Variants in NTM observed in about 807,000 individuals in gnomAD.
NTM encodes neurotrimin, also known as IgLON family member 2.
NTM carries 13 observed loss-of-function variants against 42.1 expected under a neutral mutation model. That is an observed-to-expected ratio of 0.31 (90% confidence interval 0.20 to 0.49). The LOEUF (loss-of-function observed/expected upper bound fraction) is 0.49. Among genes scored for constraint, NTM ranks in the 20% least tolerant of loss-of-function variants. The pLI is 0.99. For synonymous variants in NTM, 187 were observed against 179.2 expected, an observed-to-expected ratio of 1.04 and a Z score of -0.35; for missense variants, 373 against 452.8, an observed-to-expected ratio of 0.82 and a Z score of 1.60.
chr11:131,420,984 ATC>A (rs1205293055), intron 1 of NTM, among the ~76,000 whole-genome samples: 1 of 151,810 alleles, frequency 6.6e-6, no homozygotes, highest in East Asian at 2.0e-4. Context: ...TTGCCCTCTC[ATC>A]TCTTTCTCCA....
chr11:131,926,107 G>A (rs1592918975), intron 2 of NTM, among the ~76,000 whole-genome samples: 1 of 57,482 alleles, frequency 1.7e-5, no homozygotes, highest in African/African-American at 6.2e-5. Context: ...AACTTGTATG[G>A]ATTAGAAAAA....
chr11:131,713,973 C>T (rs1247562876), intron 1 of NTM, among the ~76,000 whole-genome samples: 1 of 152,174 alleles, frequency 6.6e-6, no homozygotes, highest in East Asian at 1.9e-4. Flanking sequence ...CAGTGGCCTG[C>T]CAGCTCCTGG....
At chr11:131,559,452 A>G (rs561253576) in intron 1 of NTM, among the ~76,000 whole-genome samples, 1 of 152,332 alleles carries the variant, frequency 6.6e-6, no homozygotes, top group Non-Finnish European at 1.5e-5. Context: ...CACATCCTTC[A>G]TATCCATCAG....
chr11:131,927,929 A>T (rs2058140364), intron 2 of NTM, among the ~76,000 whole-genome samples: 1 of 152,140 alleles, frequency 6.6e-6, no homozygotes. Context: ...AAACATGTGA[A>T]TTGAGAATAT....
chr11:131,582,568 C>G (rs1263423836), intron 1 of NTM, among the ~76,000 whole-genome samples: 1 of 144,022 alleles, frequency 6.9e-6, no homozygotes, highest in African/African-American at 2.6e-5. Flanking sequence ...TTTTTTTTAA[C>G]TCTAGATGAG....
chr11:131,385,959 T>TA (rs2135553330), intron 1 of NTM, among the ~76,000 whole-genome samples: 1 of 152,282 alleles, frequency 6.6e-6, no homozygotes, highest in African/African-American at 2.4e-5. Context: ...GACTCAGCAA[T>TA]TCTACTCCTG....
At chr11:131,790,766 A>T (rs1415031965) in intron 1 of NTM, among the ~76,000 whole-genome samples, 3 of 152,196 alleles carry the variant, frequency 2.0e-5, no homozygotes, top group Admixed American at 1.3e-4. Flanking sequence ...AATTCTCTCC[A>T]TAGCAATTTC....
chr11:132,165,515 G>C (rs142120020), intron 3 of NTM, among the ~76,000 whole-genome samples: 1 of 152,256 alleles, frequency 6.6e-6, no homozygotes, highest in African/African-American at 2.4e-5. Context: ...AACATTTATT[G>C]GGTCCTTTCC....
At chr11:131,559,287 C>T (rs1006334433) in intron 1 of NTM, among the ~76,000 whole-genome samples, 21 of 152,194 alleles carry the variant, frequency 1.4e-4, no homozygotes, top group South Asian at 6.2e-4. Flanking sequence ...ATGGCTATTC[C>T]GAACAGTATT....
intron 1 of NTM, among the ~76,000 whole-genome samples, chr11:131,902,126 T>C (rs993683083): frequency 6.6e-6 from 1 of 152,212 alleles, no homozygotes; most frequent in Non-Finnish European, 1.5e-5. Context: ...TTCACAAGCA[T>C]ACAGAAATGC....
At chr11:131,470,272 T>C (rs1591762157) in intron 1 of NTM, among the ~76,000 whole-genome samples, 1 of 152,328 alleles carries the variant, frequency 6.6e-6, no homozygotes, top group South Asian at 2.1e-4. Flanking sequence ...CTCAGTTGTC[T>C]GAAAGGCAAA....
At chr11:132,030,009 C>G (rs901929615) in intron 2 of NTM, among the ~76,000 whole-genome samples, 1 of 152,072 alleles carries the variant, frequency 6.6e-6, no homozygotes, top group Non-Finnish European at 1.5e-5. Context: ...TGATAGAGTT[C>G]TTTTTCTAAA....
chr11:131,495,368 C>G (rs368691528), intron 1 of NTM, among the ~76,000 whole-genome samples: 3 of 152,222 alleles, frequency 2.0e-5, no homozygotes. Flanking sequence ...TTTGCTTGCT[C>G]TGTTGAATGC....
At chr11:131,933,119 A>G (rs907951201) in intron 2 of NTM, among the ~76,000 whole-genome samples, 4 of 152,348 alleles carry the variant, frequency 2.6e-5, no homozygotes, top group Admixed American at 2.6e-4. Context: ...ACAGCTGTCA[A>G]CGTGCCTGCT....
At chr11:132,013,866 C>A (rs2072800681) in intron 2 of NTM, among the ~76,000 whole-genome samples, 3 of 152,060 alleles carry the variant, frequency 2.0e-5, no homozygotes, top group African/African-American at 7.2e-5. Context: ...GGGTATTTAT[C>A]ATTTCTGTGT....
At chr11:132,193,842 A>G (rs918546777) in intron 3 of NTM, among the ~76,000 whole-genome samples, 2 of 152,172 alleles carry the variant, frequency 1.3e-5, no homozygotes, top group African/African-American at 2.4e-5. Flanking sequence ...AAACACTTCT[A>G]TGCACACAAA....
chr11:131,820,203 A>T (rs1410558148), intron 1 of NTM, among the ~76,000 whole-genome samples: 1 of 152,144 alleles, frequency 6.6e-6, no homozygotes, highest in Non-Finnish European at 1.5e-5. Flanking sequence ...TCCTGCAGCC[A>T]CTGGATCCCC....
intron 1 of NTM, among the ~76,000 whole-genome samples, chr11:131,692,051 C>A (rs1053773108): frequency 3.3e-5 from 5 of 152,156 alleles, no homozygotes; most frequent in African/African-American, 1.2e-4. Context: ...TGAAAAGTCT[C>A]AAAGGGAAGG....
At chr11:131,822,947 T>C (rs1412096963) in intron 1 of NTM, among the ~76,000 whole-genome samples, 1 of 152,100 alleles carries the variant, frequency 6.6e-6, no homozygotes, top group Non-Finnish European at 1.5e-5. Context: ...TTTCCTTCCT[T>C]TCTTTCTTCC....
Sources: allele counts gnomAD v4.1 joint callset (sites outside exome capture counted in the v4.1 genomes callset), GRCh38; gene constraint gnomAD v4.1.1; transcripts MANE v1.5; gene names NCBI Gene and HGNC (gene_info 2026-07-23, HGNC 2026-07-21).